ANO7: variants seen among roughly 807,000 people sequenced by gnomAD.
ANO7 encodes anoctamin 7.
A neutral mutation model predicts 115.8 loss-of-function variants in ANO7; 114 were observed. The ratio of observed to expected loss-of-function variants is 0.98; its 90% CI spans 0.85 to 1.15. ANO7 has a LOEUF of 1.15. ANO7 is among the 50% of genes most tolerant of loss of function. The pLI is 0.00. For missense variants in ANO7, 1,302 were observed against 1,201.2 expected, an observed-to-expected ratio of 1.08 and a Z score of -1.24; for synonymous variants, 550 against 498.2, an observed-to-expected ratio of 1.10 and a Z score of -1.38.
chr2:241,235,641 G>A, the ANO7 span: 3 of 1,378,138 alleles, frequency 2.2e-6, no homozygotes, highest in African/African-American at 2.8e-5. Flanking sequence ...TGAGAGCAGA[G>A]TGACGTTGTA....
intron 21 of ANO7, among the ~76,000 whole-genome samples, chr2:241,219,236 TCTC>T (rs2068949905): frequency 6.6e-6 from 1 of 152,206 alleles, no homozygotes; most frequent in African/African-American, 2.4e-5. Context: ...AGCATCATAG[TCTC>T]CTAATGTTGG....
chr2:241,218,275 C>G lies in ANO7; in HGVS notation c.2215C>G (p.Arg739Gly). 6.5e-7 allele frequency: 1 copy of G among 1,534,370 alleles called. No homozygotes were observed. The highest frequency in any genetic ancestry group is 1.2e-5 in the South Asian group (1 of 85,090). ...LLAFSSDFLP[R>G]AYYRWTRAHD... ...GGCCTTCTCGTCCGACTTCCTGCCG[C>G]GCGCCTACTACCGGTGGACCCGCGC... Residue 739 changes from arginine to glycine, a missense_variant, in exon 21 of 25, where the codon CGC becomes GGC. By Grantham distance (125) the Arg-to-Gly change is moderately radical. Coordinates refer to ENST00000674324, the MANE Select transcript of ANO7 (RefSeq NM_001370694.2).
intron 1 of ANO7, among the ~76,000 whole-genome samples, chr2:241,189,497 C>T (rs1446109915): frequency 6.6e-6 from 1 of 152,110 alleles, no homozygotes; most frequent in South Asian, 2.1e-4. Context: ...CAGAGAGAGA[C>T]CCCCGGGGCG....
At chr2:241,195,872 C>T (rs371348372) in intron 4 of ANO7, 27 bp downstream of exon 4, 249 of 1,614,060 alleles carry the variant, frequency 1.5e-4, no homozygotes, top group Non-Finnish European at 2.0e-4. Flanking sequence ...ATGGGCAGGG[C>T]CCTAGGCCCT....
intron 3 of ANO7, among the ~76,000 whole-genome samples, chr2:241,192,343 C>T (rs1384329852): frequency 3.3e-5 from 5 of 152,084 alleles, no homozygotes; most frequent in Admixed American, 3.3e-4. Context: ...AAAAAAAGTA[C>T]CACGGCCTGC....
chr2:241,235,729 A>C, the ANO7 span: 1 of 624,780 alleles, frequency 1.6e-6, no homozygotes, highest in East Asian at 2.7e-5. Context: ...CGACAATGCC[A>C]CCAGGACCTT....
chr2:241,229,784 G>GGCCCCCC, downstream of ANO7: 1 of 1,502,544 alleles, frequency 6.7e-7, no homozygotes, highest in African/African-American at 1.4e-5. Context: ...AAGCCCGCCT[G>GGCCCCCC]CCCGCCCACC....
chr2:241,238,424 G>A, the ANO7 span: 5 of 374,612 alleles, frequency 1.3e-5, no homozygotes, highest in South Asian at 1.1e-4. This position sits in a 1 kb window ranked among gnomAD's most constrained non-coding sequence, Gnocchi z 4.9. Context: ...GCTACCTTGT[G>A]TGTCTCTAGG....
rs148609049 is a variant in ANO7 at position 241,188,699 on chromosome 2, C to G, written c.-75C>G. On this transcript the variant is annotated 5_prime_UTR_variant, in exon 1 of 25. Coordinates refer to ENST00000674324, the MANE Select transcript of ANO7 (RefSeq NM_001370694.2). The surrounding 1 kb of genome is among the most constrained non-coding windows in gnomAD (Gnocchi z 4.3). ...CGCAGTGAGGACGGGACTCTACTGC[C>G]GAGACCAGGCTCACGCTGAGAGGTG... 6.8e-6 allele frequency: 11 copies of G among 1,613,516 alleles called. No homozygotes were observed. The Admixed American group carries it at 8.3e-5, about 12-fold the overall frequency.
intron 10 of ANO7, among the ~76,000 whole-genome samples, chr2:241,206,497 A>C (rs368606238): frequency 1.1e-3 from 13 of 11,554 alleles, no homozygotes; most frequent in South Asian, 5.3e-3. Context: ...GGAGTGCTCC[A>C]AGGCTGACAC....
chr2:241,201,421 C>T lies in ANO7; in HGVS notation c.612+66C>T, dbSNP rs1279641297. The T allele has an allele frequency of 1.9e-6, 3 of 1,546,772 alleles. No individual in the cohort carries two copies. In the Admixed American group the frequency reaches 5.4e-5, roughly 28 times the overall value. ...TGGCTCTGAGGATCCTGCCAGCCCCCAGCCTCCATGGATGCAGAAAGGCCT... is the reference window on the plus strand; with the variant it reads ...TGGCTCTGAGGATCCTGCCAGCCCCTAGCCTCCATGGATGCAGAAAGGCCT... On this transcript the variant is annotated intron_variant, in intron 7 of 24. Transcript: ENST00000674324.
intron 1 of ANO7, 118 bp from the exon 2 acceptor site, chr2:241,189,939 T>C: frequency 1.3e-6 from 1 of 755,702 alleles, no homozygotes; most frequent in Non-Finnish European, 2.1e-6. Context: ...CCCAGCCCCA[T>C]TCTACTCCGA....
intron 24 of ANO7, 59 bp from the exon 25 acceptor site, chr2:241,224,038 G>C: frequency 6.2e-7 from 1 of 1,613,268 alleles, no homozygotes; most frequent in South Asian, 1.1e-5. Context: ...TGTGCCTCGT[G>C]GCCATGGCCT....
In ANO7 at chr2:241,224,231, C is replaced by T; in HGVS notation, c.*78C>T. The stretch of plus-strand genomic sequence containing the variant: ...GCGAGCAGCGTCCTTTTCCTCTTCC[C>T]TCAGGCAGCGGCTGTGTGAACCGCT... On this transcript the variant is annotated 3_prime_UTR_variant, in exon 25 of 25. Transcript: ENST00000674324. 6.6e-7 allele frequency: 1 copy of T among 1,518,644 alleles called. No individual in the cohort carries two copies. The highest frequency in any genetic ancestry group is 9.1e-7 in the Non-Finnish European group (1 of 1,103,972). The allele number at this position is 1,518,644 out of a possible 1,614,324, so 94.1% of individuals were successfully genotyped here. A position where few individuals can be genotyped will look rare whatever the true frequency, so the allele number is the denominator to read the frequency against.
chr2:241,221,888 C>T (rs908142868), intron 21 of ANO7, among the ~76,000 whole-genome samples: 1 of 151,908 alleles, frequency 6.6e-6, no homozygotes, highest in Non-Finnish European at 1.5e-5. Flanking sequence ...CCATGTTGGC[C>T]AGGCTAGTTT....
At position 241,209,433 on chromosome 2, in the gene ANO7, G is replaced by T; in HGVS notation, c.1221+5G>T. The T allele has an allele frequency of 6.3e-7, 1 of 1,594,786 alleles. No homozygotes were observed. Among genetic ancestry groups the T allele is most frequent in the Non-Finnish European group, 8.5e-7 (1 of 1,172,262 alleles). ...TCTGACTACGAGGACACTGAGGTGAGCCACCCCCGCTGGACCACGGTCACA... is the reference window on the plus strand; with the variant it reads ...TCTGACTACGAGGACACTGAGGTGATCCACCCCCGCTGGACCACGGTCACA... On this transcript the variant is annotated splice_donor_5th_base_variant and intron_variant, in intron 12 of 24. Coordinates refer to ENST00000674324, the MANE Select transcript of ANO7 (RefSeq NM_001370694.2).
intron 17 of ANO7, among the ~76,000 whole-genome samples, chr2:241,213,442 T>C (rs1445590739): frequency 6.6e-6 from 1 of 152,182 alleles, no homozygotes. Context: ...GTTCACCTGG[T>C]GGAGGATGAA....
chr2:241,189,518 A>G (rs953131237), intron 1 of ANO7, among the ~76,000 whole-genome samples: 1 of 151,728 alleles, frequency 6.6e-6, no homozygotes, highest in Non-Finnish European at 1.5e-5. Context: ...AAGGTGCGGG[A>G]GGAAGCTGGG....
At chr2:241,199,152 T>G (rs2068410622) in intron 4 of ANO7, 164 bp from the exon 5 acceptor site, 1 of 652,562 alleles carries the variant, frequency 1.5e-6, no homozygotes, top group Non-Finnish European at 2.7e-6. Context: ...TTCAGAGGCG[T>G]ATCCATGGGA....
Sources: allele counts gnomAD v4.1 joint callset (sites outside exome capture counted in the v4.1 genomes callset), GRCh38; gene constraint gnomAD v4.1.1; non-coding constraint Gnocchi (gnomAD v3.1); transcripts MANE v1.5; gene names NCBI Gene and HGNC (gene_info 2026-07-23, HGNC 2026-07-21).